AGBL1: variants seen among roughly 807,000 people sequenced by gnomAD.
AGBL1 encodes cytosolic carboxypeptidase 4.
Under a neutral mutation model 118.9 loss-of-function variants are expected in AGBL1, and 130 were observed. The ratio of observed to expected loss-of-function variants is 1.09; its 90% CI spans 0.95 to 1.26. AGBL1 has a LOEUF of 1.26. Among genes scored for constraint, AGBL1 ranks in the 50% most tolerant of loss-of-function variants. AGBL1 has a pLI of 0.00. For missense variants in AGBL1, 1,584 were observed against 1,298.1 expected (o/e 1.22, Z -3.38); for synonymous variants, 555 against 478.9 (o/e 1.16, Z -2.08).
At position 86,914,230 on chromosome 15, in the gene AGBL1, C is replaced by T. The variant is rs28440145; in HGVS notation, c.*6936C>T. ...TGAATGTCCTGGGGTAGAAGACTATCAACCAGACCCCACCCACACTTCATT... is the reference window on the plus strand; with the variant it reads ...TGAATGTCCTGGGGTAGAAGACTATTAACCAGACCCCACCCACACTTCATT... On this transcript the variant is annotated 3_prime_UTR_variant, in exon 23 of 23. Transcript: ENST00000614907. 0.079 allele frequency: 11,976 copies of T among 152,158 alleles called. 577 individuals are homozygous for T. Among genetic ancestry groups the T allele is most frequent in the African/African-American group, 0.14 (5,759 of 41,466 alleles). 9.4% of individuals were successfully genotyped at this position (152,158 alleles called of 1,614,324 possible). A position where few individuals can be genotyped will look rare whatever the true frequency, so the allele number is the denominator to read the frequency against.
chr15:86,808,922 C>A (rs1388280629), intron 22 of AGBL1, among the ~76,000 whole-genome samples: 1 of 152,000 alleles, frequency 6.6e-6, no homozygotes, highest in South Asian at 2.1e-4. Flanking sequence ...CAATTACATA[C>A]TCAATAACTA....
chr15:86,800,041 CATT>C (rs1446015551), intron 22 of AGBL1, among the ~76,000 whole-genome samples: 1 of 151,992 alleles, frequency 6.6e-6, no homozygotes, highest in African/African-American at 2.4e-5. Context: ...CATTATTTTT[CATT>C]ATTCTCATTT....
At chr15:86,620,724 T>C (rs2084790982) in intron 21 of AGBL1, among the ~76,000 whole-genome samples, 1 of 152,238 alleles carries the variant, frequency 6.6e-6, no homozygotes, top group Non-Finnish European at 1.5e-5. Context: ...ATCTTCTCAT[T>C]AGAGCCTCGT....
intron 22 of AGBL1, among the ~76,000 whole-genome samples, chr15:86,720,157 A>G (rs1014910967): frequency 6.6e-6 from 1 of 152,228 alleles, no homozygotes. Flanking sequence ...TTACATGGGC[A>G]ATCAATCCTG....
chr15:86,859,332 C>T (rs980197259), intron 22 of AGBL1, among the ~76,000 whole-genome samples: 4 of 152,160 alleles, frequency 2.6e-5, no homozygotes, highest in African/African-American at 7.2e-5. Context: ...TTCATGGGCA[C>T]TAATTGAGCA....
chr15:86,452,335 C>T (rs956028753), intron 18 of AGBL1, among the ~76,000 whole-genome samples: 4 of 152,192 alleles, frequency 2.6e-5, no homozygotes, highest in Admixed American at 6.5e-5. Context: ...CTCACCTGGA[C>T]ACTTGTCTCA....
chr15:86,092,490 A>G (rs1056941237), intron 1 of AGBL1, among the ~76,000 whole-genome samples: 1 of 152,182 alleles, frequency 6.6e-6, no homozygotes, highest in African/African-American at 2.4e-5. Flanking sequence ...TAAAATTTTT[A>G]TTCTAAAAAT....
intron 24 of AGBL1, among the ~76,000 whole-genome samples, chr15:86,999,311 G>A (rs1264057627): frequency 6.6e-6 from 1 of 150,824 alleles, no homozygotes; most frequent in African/African-American, 2.5e-5. Context: ...ATGCTGGTGC[G>A]CTGCACCCAC....
intron 16 of AGBL1, among the ~76,000 whole-genome samples, chr15:86,292,066 AT>A (rs2079555578): frequency 6.6e-6 from 1 of 152,176 alleles, no homozygotes; most frequent in Admixed American, 6.5e-5. Flanking sequence ...TCATGTTGGC[AT>A]GGTAGGCAGA....
chr15:86,393,380 G>T (rs1200278785), intron 17 of AGBL1, among the ~76,000 whole-genome samples: 2 of 152,172 alleles, frequency 1.3e-5, no homozygotes, highest in East Asian at 1.9e-4. Context: ...AAGAGCTTAA[G>T]CCATTTTTTA....
chr15:87,019,227 G>A (rs534615698), intron 24 of AGBL1, among the ~76,000 whole-genome samples: 1 of 151,956 alleles, frequency 6.6e-6, no homozygotes, highest in Non-Finnish European at 1.5e-5. Context: ...AAGAAAATTA[G>A]CAAAGATACT....
rs201541206 is a variant in AGBL1, at chr15:86,264,699, G to A, written c.1528G>A (p.Asp510Asn). ...QTHLKRVPFH[D>N]PYLYMAKARR... ...ACATCTGAAGCGTGTCCCTTTCCAC[G>A]ATCCCTATCTTTATATGGCCAAAGC... The change falls in exon 11 of 23, where the codon GAT becomes AAT. Residue 510 changes from aspartate (D) to asparagine (N), a missense_variant. Asp to Asn is a conservative substitution (Grantham distance 23). Coordinates refer to ENST00000614907, the MANE Select transcript of AGBL1 (RefSeq NM_001386094.1). 40 of 1,613,928 alleles carry A rather than the reference G, an allele frequency of 2.5e-5. No homozygotes were observed. In the African/African-American group the frequency reaches 4.1e-4, roughly 17 times the overall value.
At chr15:86,646,607 A>G (rs1448132545) in intron 21 of AGBL1, among the ~76,000 whole-genome samples, 1 of 152,072 alleles carries the variant, frequency 6.6e-6, no homozygotes, top group African/African-American at 2.4e-5. Flanking sequence ...GTTATTGAGT[A>G]TACTTGAACA....
At chr15:86,142,819 C>G (rs1002376128) in intron 2 of AGBL1, among the ~76,000 whole-genome samples, 7 of 152,192 alleles carry the variant, frequency 4.6e-5, no homozygotes, top group African/African-American at 1.7e-4. Context: ...ATAGTGCTGT[C>G]TTACATTTGT....
In AGBL1 at chr15:86,390,660, A is replaced by ATTTTT. The variant is rs756052402; in HGVS notation, c.2375-6684_2375-6680dup. 1.9e-3 allele frequency among the ~76,000 whole-genome samples: 143 copies of ATTTTT among 75,464 alleles called. 29 individuals carry two copies. Among genetic ancestry groups the ATTTTT allele is most frequent in the East Asian group, 0.012 (19 of 1,634 alleles). 49.5% of individuals were successfully genotyped at this position (75,464 alleles called of 152,430 possible). On this transcript the variant is annotated intron_variant, in intron 17 of 22. Transcript: ENST00000614907. Reference sequence around the variant, plus strand: ...AGGCAGAAAAGTTATATACTGTATGATTTTTTTTTTTTTTTTTTTTTTTTT... The same window carrying ATTTTT: ...AGGCAGAAAAGTTATATACTGTATGATTTTTTTTTTTTTTTTTTTTTTTTTTTTTT...
intron 22 of AGBL1, among the ~76,000 whole-genome samples, chr15:86,817,583 C>T (rs900450219): frequency 2.7e-5 from 4 of 148,246 alleles, no homozygotes; most frequent in African/African-American, 1.0e-4. Context: ...CAGACACACA[C>T]ACACACACAC....
chr15:86,785,143 G>C (rs541113740), intron 22 of AGBL1, among the ~76,000 whole-genome samples: 5 of 152,006 alleles, frequency 3.3e-5, no homozygotes, highest in Admixed American at 6.6e-5. Flanking sequence ...TGAAGCTAAG[G>C]AGGAATAGGA....
intron 5 of AGBL1, among the ~76,000 whole-genome samples, chr15:86,207,086 G>A (rs1007073301): frequency 1.1e-4 from 17 of 152,110 alleles, no homozygotes; most frequent in Non-Finnish European, 2.2e-4. Flanking sequence ...CCCGTTTCTT[G>A]TTTTTGTCAG....
rs933114218 is a variant in AGBL1 at position 86,892,334 on chromosome 15, A to AT, written c.3159-14746dup. The stretch of plus-strand genomic sequence containing the variant: ...TTACTTTTTATGTGGGAATGACTGG[A>AT]TTTTTTTCTAGAGCTCTAGATCATG... On this transcript the variant is annotated intron_variant, in intron 22 of 22. Coordinates refer to ENST00000614907, the MANE Select transcript of AGBL1 (RefSeq NM_001386094.1). 2.6e-5 allele frequency among the ~76,000 whole-genome samples: 4 copies of AT among 152,010 alleles called. No individual in the cohort carries two copies. In the East Asian group the frequency reaches 5.8e-4, roughly 22 times the overall value.
Sources: allele counts gnomAD v4.1 joint callset (sites outside exome capture counted in the v4.1 genomes callset), GRCh38; gene constraint gnomAD v4.1.1; transcripts MANE v1.5; gene names NCBI Gene and HGNC (gene_info 2026-07-23, HGNC 2026-07-21).